The following AGO2 variants were observed in gnomAD, a reference collection of about 807,000 sequenced individuals.
The protein encoded by AGO2 is argonaute RISC catalytic component 2.
In AGO2, 5 loss-of-function variants were observed where a neutral mutation model predicts 102.3. That is an observed-to-expected ratio of 0.05 (90% CI 0.03 to 0.10). AGO2 has a LOEUF of 0.10. Ranked by LOEUF, AGO2 falls within the 10% of genes least tolerant of loss-of-function variation. The pLI is 1.00. For missense variants in AGO2, 541 were observed against 1,183.7 expected, an observed-to-expected ratio of 0.46 and a Z score of 7.97; for synonymous variants, 449 against 473.1, an observed-to-expected ratio of 0.95 and a Z score of 0.66.
chr8:140,586,204 A>T (rs1244536582), intron 1 of AGO2, among the ~76,000 whole-genome samples: 1 of 152,158 alleles, frequency 6.6e-6, no homozygotes, highest in Admixed American at 6.5e-5. Context: ...CTACAAAAAT[A>T]AAGTCAGGCT....
intron 1 of AGO2, among the ~76,000 whole-genome samples, chr8:140,621,251 G>T (rs2152107373): frequency 6.6e-6 from 1 of 152,194 alleles, no homozygotes; most frequent in Admixed American, 6.5e-5. Flanking sequence ...GCCGTTCCCT[G>T]GCAGCCTCTG....
intron 1 of AGO2, among the ~76,000 whole-genome samples, chr8:140,629,906 C>T (rs1287734836): frequency 6.8e-5 from 3 of 44,016 alleles, no homozygotes; most frequent in African/African-American, 1.8e-4. Context: ...GGGAGGGGAG[C>T]GGAGGCGAGG....
chr8:140,541,311 C>T lies in AGO2; in HGVS notation c.1887G>A (p.Val629=). The stretch of plus-strand genomic sequence containing the variant: ...TCTCCTGCCGGTGCTGCTGCACGCG[C>T]ACGGTGGCGCAGTAGCGATTGGGGT... ...DAHPNRYCAT[V]RVQQHRQEII... is the part of the protein sequence containing the mutation. Residue 629 remains valine (V), a synonymous_variant, in exon 15 of 19, where the codon GTG becomes GTA. Transcript: ENST00000220592. The T allele has an allele frequency of 6.2e-7, 1 of 1,612,918 alleles. No individual in the cohort carries two copies. Among genetic ancestry groups the T allele is most frequent in the South Asian group, 1.1e-5 (1 of 90,958 alleles).
chr8:140,634,752 T>C (rs2074382093), intron 1 of AGO2, among the ~76,000 whole-genome samples: 1 of 152,098 alleles, frequency 6.6e-6, no homozygotes, highest in South Asian at 2.1e-4. Flanking sequence ...CCGGCGTGTC[T>C]GGAATGAGAA....
At chr8:140,565,656 AAG>A (rs2073272632) in intron 3 of AGO2, among the ~76,000 whole-genome samples, 1 of 104,508 alleles carries the variant, frequency 9.6e-6, no homozygotes, top group Non-Finnish European at 2.2e-5. Flanking sequence ...AAAAAAAAAG[AAG>A]AAGAAGAAGA....
intron 1 of AGO2, among the ~76,000 whole-genome samples, chr8:140,613,332 CTCATTA>C (rs1333769911): frequency 2.0e-5 from 3 of 152,210 alleles, no homozygotes; most frequent in Non-Finnish European, 4.4e-5. Context: ...CGCCACTCTT[CTCATTA>C]TATTTTGTTT....
chr8:140,537,892 C>A (rs1170042192), intron 16 of AGO2, among the ~76,000 whole-genome samples: 1 of 152,194 alleles, frequency 6.6e-6, no homozygotes, highest in Admixed American at 6.5e-5. Flanking sequence ...AATGTTGGCT[C>A]ACTGCAACCT....
chr8:140,626,210 G>C lies in AGO2; in HGVS notation c.22+9275C>G, dbSNP rs1364390703. On this transcript the variant is annotated intron_variant, in intron 1 of 18. Transcript: ENST00000220592. The stretch of plus-strand genomic sequence containing the variant: ...AGCTGTCGGGGTCCGGCGCACCTGG[G>C]TCTGTATAGAGGTGAGTTCTGAGCG... 3.3e-5 allele frequency among the ~76,000 whole-genome samples: 5 copies of C among 152,350 alleles called. No homozygotes were observed. The South Asian group carries it at 6.2e-4, about 19-fold the overall frequency.
rs1331988458 is a variant in AGO2, at chr8:140,521,019, T to C, written c.*11025A>G. 6.6e-6 allele frequency: 1 copy of C among 152,170 alleles called. No homozygotes were observed. The highest frequency in any genetic ancestry group is 1.5e-5 in the Non-Finnish European group (1 of 68,032). 9.4% of individuals were successfully genotyped at this position (152,170 alleles called of 1,614,324 possible). On this transcript the variant is annotated 3_prime_UTR_variant, in exon 19 of 19. Transcript: ENST00000220592. ...AGTCTATTGGGGTCCAAAAAGCATA[T>C]ATCAAAACAAAAATAACAAAAGCAA... is the stretch of plus-strand genomic sequence containing the variant.
chr8:140,535,855 T>C (rs2280833), intron 16 of AGO2, among the ~76,000 whole-genome samples: 36,055 of 152,180 alleles, frequency 0.24, 5,206 homozygotes, highest in East Asian at 0.35. Flanking sequence ...CTCTGATGCC[T>C]TAAGAGTCCC....
intron 1 of AGO2, among the ~76,000 whole-genome samples, chr8:140,620,439 A>G (rs539591536): frequency 7.2e-5 from 11 of 152,378 alleles, no homozygotes; most frequent in African/African-American, 2.6e-4. Context: ...GAATGAAATG[A>G]TATGACTCAA....
intron 1 of AGO2, 81 bp from the exon 2 acceptor site, chr8:140,585,392 T>A (rs2073640170): frequency 6.7e-7 from 1 of 1,487,074 alleles, no homozygotes; most frequent in African/African-American, 1.4e-5. Context: ...CCCAAGCCAC[T>A]ATATGCCCCC....
chr8:140,628,391 GTGTGTGCGTGTGTGTGTGTTACATACC>G (rs976002484), intron 1 of AGO2, among the ~76,000 whole-genome samples: 4 of 151,224 alleles, frequency 2.6e-5, no homozygotes, highest in East Asian at 3.9e-4. Flanking sequence ...AGGCACGTGT[GTGTGTGCGTGTGTGTGTGTTACATACC>G]TGTGTGCGTG....
chr8:140,585,405 C>T lies in AGO2; in HGVS notation c.23-94G>A, dbSNP rs2073640660. 3 of 1,411,262 alleles carry T rather than the reference C, an allele frequency of 2.1e-6. No individual in the cohort carries two copies. The South Asian group carries it at 4.1e-5, about 19-fold the overall frequency. The allele number at this position is 1,411,262 out of a possible 1,614,324, so 87.4% of individuals were successfully genotyped here. A position where few individuals can be genotyped will look rare whatever the true frequency, so the allele number is the denominator to read the frequency against. ...GCCCCAAGCCACTATATGCCCCCCTCTGCTGTTTCCATTCACGTCCAGGCC... is the reference window on the plus strand; with the variant it reads ...GCCCCAAGCCACTATATGCCCCCCTTTGCTGTTTCCATTCACGTCCAGGCC... On this transcript the variant is annotated intron_variant, in intron 1 of 18. Coordinates refer to ENST00000220592, the MANE Select transcript of AGO2 (RefSeq NM_012154.5).
chr8:140,533,425 A>G (rs2072638961), intron 17 of AGO2, among the ~76,000 whole-genome samples: 1 of 151,510 alleles, frequency 6.6e-6, no homozygotes, highest in Non-Finnish European at 1.5e-5. Context: ...AGCAATATTG[A>G]AAGTGGACGT....
At position 140,616,795 on chromosome 8, in the gene AGO2, C is replaced by T. The variant is rs577254262; in HGVS notation, c.22+18690G>A. Among the ~76,000 whole-genome samples, 4 of 152,328 alleles carry T rather than the reference C, an allele frequency of 2.6e-5. No homozygotes were observed. The South Asian group carries it at 6.2e-4, about 24-fold the overall frequency. On this transcript the variant is annotated intron_variant, in intron 1 of 18. Coordinates refer to ENST00000220592, the MANE Select transcript of AGO2 (RefSeq NM_012154.5). ...GAGAGCTCACTGCCCCCACCTCACT[C>T]GGCCTTGGGGTACAGCCTCCACCCA...
chr8:140,541,251 G>C lies in AGO2; in HGVS notation c.1947C>G (p.Leu649=). 2 of 1,612,740 alleles carry C rather than the reference G, an allele frequency of 1.2e-6. No individual in the cohort carries two copies. The highest frequency in any genetic ancestry group is 1.7e-6 in the Non-Finnish European group (2 of 1,179,514). Residue 649 remains leucine, a synonymous_variant, in exon 15 of 19, where the codon CTC becomes CTG. Coordinates refer to ENST00000220592, the MANE Select transcript of AGO2 (RefSeq NM_012154.5). The part of the protein sequence containing the change: ...IQDLAAMVRE[L]LIQFYKSTRF... ...GCGTGGACTTGTAGAACTGGATGAG[G>C]AGCTCGCGGACCATGGCGGCCAGGT...
rs2072746912 is a variant in AGO2 at position 140,539,029 on chromosome 8, G to T, written c.2169+291C>A. On this transcript the variant is annotated intron_variant, in intron 16 of 18. Coordinates refer to ENST00000220592, the MANE Select transcript of AGO2 (RefSeq NM_012154.5). The surrounding 1 kb of genome is among the most constrained non-coding windows in gnomAD (Gnocchi z 4.7). ...GACGTGGGAAGATCACTTGAGCCCA[G>T]GAGATAGAGGCTGCAGTAAGCTATG... Among the ~76,000 whole-genome samples the T allele has an allele frequency of 6.6e-6, 1 of 152,216 alleles. No individual in the cohort carries two copies. The highest frequency in any genetic ancestry group is 1.5e-5 in the Non-Finnish European group (1 of 68,036).
intron 6 of AGO2, among the ~76,000 whole-genome samples, chr8:140,559,035 C>A (rs2073151572): frequency 6.6e-6 from 1 of 152,152 alleles, no homozygotes; most frequent in Admixed American, 6.5e-5. Context: ...TGGGTACAGA[C>A]ACCTGCCGGG....
Sources: allele counts gnomAD v4.1 joint callset (sites outside exome capture counted in the v4.1 genomes callset), GRCh38; gene constraint gnomAD v4.1.1; non-coding constraint Gnocchi (gnomAD v3.1); transcripts MANE v1.5; gene names NCBI Gene and HGNC (gene_info 2026-07-23, HGNC 2026-07-21).